The following FAM184B variants were observed in gnomAD, a reference collection of about 807,000 sequenced individuals.
FAM184B encodes family with sequence similarity 184 member B, also known as protein FAM184B.
A neutral mutation model predicts 135.9 loss-of-function variants in FAM184B; 111 were observed. The ratio of observed to expected loss-of-function variants is 0.82; its 90% CI spans 0.70 to 0.96. The LOEUF is 0.96. FAM184B is among the 40% of genes least tolerant of loss of function. The pLI is 0.00. For missense variants in FAM184B, 1,375 were observed against 1,323.9 expected (o/e 1.04, Z -0.60); for synonymous variants, 552 against 524.8 (o/e 1.05, Z -0.71).
At chr4:17,667,982 G>A (rs978737570) in intron 7 of FAM184B, among the ~76,000 whole-genome samples, 4 of 152,186 alleles carry the variant, frequency 2.6e-5, no homozygotes, top group African/African-American at 9.7e-5. Flanking sequence ...AGCCAGGCCT[G>A]AAGCTCCTCC....
At chr4:17,741,230 C>A (rs1718025539) in intron 1 of FAM184B, among the ~76,000 whole-genome samples, 1 of 151,716 alleles carries the variant, frequency 6.6e-6, no homozygotes, top group Admixed American at 6.6e-5. Flanking sequence ...GATATGTGCT[C>A]AAAGAAAGAA....
chr4:17,689,928 C>T (rs908814160), intron 6 of FAM184B, among the ~76,000 whole-genome samples: 8 of 152,034 alleles, frequency 5.3e-5, no homozygotes, highest in African/African-American at 1.9e-4. Context: ...GTGGACAGAT[C>T]ACCTGAGGTC....
rs1188436121 is a variant in FAM184B, at chr4:17,636,492, C to G, written c.2784+36G>C. On this transcript the variant is annotated intron_variant, in intron 15 of 17. Coordinates refer to ENST00000265018, the MANE Select transcript of FAM184B (RefSeq NM_015688.2). Reference sequence around the variant, plus strand: ...CCCGGGGGAGCCCGCAGTGCCCGGCCAGGTGCGTGGGTGAGGCGCCCCCTG... The same window carrying G: ...CCCGGGGGAGCCCGCAGTGCCCGGCGAGGTGCGTGGGTGAGGCGCCCCCTG... The G allele has an allele frequency of 5.3e-6, 8 of 1,509,444 alleles. No individual in the cohort carries two copies. In the Admixed American group the frequency reaches 1.6e-4, roughly 30 times the overall value. 93.5% of individuals were successfully genotyped at this position (1,509,444 alleles called of 1,614,324 possible).
At chr4:17,763,004 T>G (rs962256454) in intron 1 of FAM184B, among the ~76,000 whole-genome samples, 9 of 152,164 alleles carry the variant, frequency 5.9e-5, no homozygotes, top group Non-Finnish European at 1.2e-4. Context: ...ACTACACACA[T>G]GTTCCTGACT....
intron 9 of FAM184B, 104 bp downstream of exon 9, chr4:17,659,854 T>G: frequency 7.0e-7 from 1 of 1,434,664 alleles, no homozygotes; most frequent in Non-Finnish European, 9.4e-7. Flanking sequence ...TGTAATGCCT[T>G]CCCAGCTTGG....
At chr4:17,648,900 A>G (rs753271812) in intron 11 of FAM184B, among the ~76,000 whole-genome samples, 3 of 152,206 alleles carry the variant, frequency 2.0e-5, no homozygotes, top group Admixed American at 6.5e-5. Context: ...ACTTCCCGGC[A>G]TGATTGAAAC....
intron 1 of FAM184B, among the ~76,000 whole-genome samples, chr4:17,748,103 GAA>G (rs58795222): frequency 1.4e-5 from 1 of 70,338 alleles, no homozygotes; most frequent in Non-Finnish European, 2.5e-5. Flanking sequence ...GACTCCGTCT[GAA>G]AAAAAAAAAA....
chr4:17,697,485 G>A (rs1050469684), intron 5 of FAM184B, among the ~76,000 whole-genome samples: 11 of 152,122 alleles, frequency 7.2e-5, no homozygotes, highest in Non-Finnish European at 1.6e-4. Flanking sequence ...AGGGCTTGTT[G>A]TTTCTGAGAG....
intron 1 of FAM184B, among the ~76,000 whole-genome samples, chr4:17,737,016 G>A (rs1377371932): frequency 6.6e-6 from 1 of 152,080 alleles, no homozygotes; most frequent in African/African-American, 2.4e-5. Flanking sequence ...ATGGTGGCAG[G>A]CACCTGTAAT....
chr4:17,692,329 C>A (rs1716758036), intron 6 of FAM184B, among the ~76,000 whole-genome samples: 1 of 152,106 alleles, frequency 6.6e-6, no homozygotes, highest in Non-Finnish European at 1.5e-5. Context: ...GCCTCTATCC[C>A]AGAACTTTTC....
intron 16 of FAM184B, 84 bp from the exon 17 acceptor site, chr4:17,633,972 C>G: frequency 5.4e-6 from 6 of 1,113,948 alleles, no homozygotes; most frequent in Non-Finnish European, 7.1e-6. Flanking sequence ...AATGCTCACC[C>G]AATCAAAATT....
intron 1 of FAM184B, among the ~76,000 whole-genome samples, chr4:17,715,564 T>A (rs1717386759): frequency 6.6e-6 from 1 of 152,062 alleles, no homozygotes; most frequent in Non-Finnish European, 1.5e-5. Flanking sequence ...ATTCAAGAGA[T>A]CTTTCATATA....
At chr4:17,637,857 G>A (rs1187430548) in intron 14 of FAM184B, among the ~76,000 whole-genome samples, 1 of 152,118 alleles carries the variant, frequency 6.6e-6, no homozygotes, top group Non-Finnish European at 1.5e-5. Context: ...GTGACCCTGT[G>A]AAAAGGCAAG....
rs949132174 is a variant in FAM184B, at chr4:17,677,972, C to G, written c.1596+10452G>C. ...AAAGCATCTGACAAAATCCAGCATC[C>G]CTTTATGGTTAAAACCCTCAGCAAA... On this transcript the variant is annotated intron_variant, in intron 7 of 17. Coordinates refer to ENST00000265018, the MANE Select transcript of FAM184B (RefSeq NM_015688.2). Among the ~76,000 whole-genome samples, 17 of 41,826 alleles carry G rather than the reference C, an allele frequency of 4.1e-4. No homozygotes were observed. The Admixed American group carries it at 5.1e-3, about 13-fold the overall frequency. 27.4% of individuals were successfully genotyped at this position (41,826 alleles called of 152,430 possible). A position where few individuals can be genotyped will look rare whatever the true frequency, so the allele number is the denominator to read the frequency against.
rs564470488 is a variant in FAM184B at position 17,709,408 on chromosome 4, C to T, written c.378G>A (p.Arg126=). 1.8e-4 allele frequency: 269 copies of T among 1,519,962 alleles called. No homozygotes were observed. The Middle Eastern group carries it at 5.3e-3, about 30-fold the overall frequency. The allele number at this position is 1,519,962 out of a possible 1,614,324, so 94.2% of individuals were successfully genotyped here. A position where few individuals can be genotyped will look rare whatever the true frequency, so the allele number is the denominator to read the frequency against. ...EEALAESASC[R]LETKERELRV... ...TCAGCTCTCTCTCCTTCGTCTCCAGCCTGCACGAGGCCGACTCAGCCAGCG... is the reference window on the plus strand; with the variant it reads ...TCAGCTCTCTCTCCTTCGTCTCCAGTCTGCACGAGGCCGACTCAGCCAGCG... The change falls in exon 2 of 18, where the codon AGG becomes AGA. Residue 126 remains arginine, a synonymous_variant. Coordinates refer to ENST00000265018, the MANE Select transcript of FAM184B (RefSeq NM_015688.2).
rs142916884 is a variant in FAM184B, at chr4:17,687,855, G to A, written c.1596+569C>T. On this transcript the variant is annotated intron_variant, in intron 7 of 17. Transcript: ENST00000265018. The stretch of plus-strand genomic sequence containing the variant: ...TTTCAGACCTCTGGCCTCCAGAACC[G>A]TGAGAGAGTACATTTCCATGGCTGA... Among the ~76,000 whole-genome samples the A allele has an allele frequency of 5.8e-3, 884 of 152,300 alleles. 5 individuals carry two copies. Among genetic ancestry groups the A allele is most frequent in the African/African-American group, 0.02 (827 of 41,572 alleles).
chr4:17,647,597 C>T, intron 12 of FAM184B, 40 bp downstream of exon 12: 1 of 1,531,354 alleles, frequency 6.5e-7, no homozygotes, highest in Non-Finnish European at 8.8e-7. Context: ...TGATGCTGCT[C>T]TGGGAGGGGT....
chr4:17,719,967 C>T lies in FAM184B; in HGVS notation c.142-10323G>A, dbSNP rs79949985. Among the ~76,000 whole-genome samples, 317 of 152,266 alleles carry T rather than the reference C, an allele frequency of 2.1e-3. 2 individuals are homozygous for T. Among genetic ancestry groups the T allele is most frequent in the African/African-American group, 5.8e-3 (240 of 41,552 alleles). On this transcript the variant is annotated intron_variant, in intron 1 of 17. Transcript: ENST00000265018. ...TGAAATATTGTCTTCTCTTGGCTTC[C>T]GCAATAGAACATACTCCTACTGACC...
chr4:17,738,488 T>A (rs1717958412), intron 1 of FAM184B, among the ~76,000 whole-genome samples: 1 of 152,080 alleles, frequency 6.6e-6, no homozygotes. Flanking sequence ...CTTAATAGCA[T>A]CTCATTGAAG....
Sources: allele counts gnomAD v4.1 joint callset (sites outside exome capture counted in the v4.1 genomes callset), GRCh38; gene constraint gnomAD v4.1.1; transcripts MANE v1.5; gene names NCBI Gene and HGNC (gene_info 2026-07-23, HGNC 2026-07-21).